The following ABCA13 variants were observed in gnomAD, a reference collection of about 807,000 sequenced individuals.
ABCA13 encodes ATP binding cassette subfamily A member 13.
ABCA13 carries 476 observed loss-of-function variants against 478.7 expected under a neutral mutation model. That is an observed-to-expected ratio of 0.99 (90% CI 0.92 to 1.07). The LOEUF (loss-of-function observed/expected upper bound fraction) is 1.07, where lower values mean the gene tolerates loss of function less well. Ranked by LOEUF, ABCA13 falls within the 50% of genes least tolerant of loss-of-function variation. The pLI, the probability that ABCA13 is intolerant of heterozygous loss-of-function variation, is 0.00. For missense variants in ABCA13, 6,060 were observed against 5,910.6 expected (o/e 1.03, Z -0.83); for synonymous variants, 2,252 against 2,158.9 (o/e 1.04, Z -1.20).
Position 48,629,289 on chromosome 7 carries a change from G to A in ABCA13, c.14837+13912G>A, listed in dbSNP as rs140673944. ...TTCCAGAATCCAACTGTACACTATG[G>A]GATTATGATTTCCTATTGTAAATAT... On this transcript the variant is annotated intron_variant, in intron 59 of 61. Transcript: ENST00000435803. 1.1e-3 allele frequency among the ~76,000 whole-genome samples: 169 copies of A among 152,136 alleles called. 1 individual carries two copies. The highest frequency in any genetic ancestry group is 4.0e-3 in the African/African-American group (164 of 41,506).
Position 48,352,376 on chromosome 7 carries a change from C to A in ABCA13, c.10577C>A (p.Pro3526Gln), listed in dbSNP as rs371083548. Residue 3526 changes from proline (P) to glutamine (Q), a missense_variant, in exon 31 of 62, where the codon CCA becomes CAA. Pro to Gln is a moderately conservative substitution (Grantham distance 76, BLOSUM62 -1). Transcript: ENST00000435803. Reference protein sequence around the residue: ...DGFKYNYVFAPLQDMIERAII... With the variant: ...DGFKYNYVFAQLQDMIERAII... ...TTCAAATATAACTACGTCTTTGCCC[C>A]ACTGCAAGACATGATCGAAAGAGCC... 1 of 1,613,442 alleles carries A rather than the reference C, an allele frequency of 6.2e-7. No homozygotes were observed. The highest frequency in any genetic ancestry group is 8.5e-7 in the Non-Finnish European group (1 of 1,179,814).
intron 1 of ABCA13, among the ~76,000 whole-genome samples, chr7:48,183,689 A>G (rs988615949): frequency 6.6e-6 from 1 of 152,164 alleles, no homozygotes; most frequent in African/African-American, 2.4e-5. Context: ...TTTCACTGCT[A>G]TTTCCCCAGT....
In ABCA13 at chr7:48,438,271, C is replaced by A. The variant is rs1427960287; in HGVS notation, c.12565+10400C>A. ...GAGGTGAGCAAAGTCAAGTAAAACA[C>A]CACAGAATTTTTCCTACCATTTCAA... On this transcript the variant is annotated intron_variant, in intron 42 of 61. Transcript: ENST00000435803. Among the ~76,000 whole-genome samples, 3 of 152,094 alleles carry A rather than the reference C, an allele frequency of 2.0e-5. No homozygotes were observed. The East Asian group carries it at 5.8e-4, about 29-fold the overall frequency.
At chr7:48,562,524 G>A (rs939267350) in intron 55 of ABCA13, among the ~76,000 whole-genome samples, 1 of 151,482 alleles carries the variant, frequency 6.6e-6, no homozygotes, top group Non-Finnish European at 1.5e-5. Context: ...AATGACATAT[G>A]CAAACATAGA....
chr7:48,233,242 T>C (rs1526103), intron 7 of ABCA13, among the ~76,000 whole-genome samples: 24,972 of 152,120 alleles, frequency 0.16, 2,469 homozygotes, highest in African/African-American at 0.29. Flanking sequence ...AATGGCTTAT[T>C]AGTGGCTGGC....
intron 42 of ABCA13, among the ~76,000 whole-genome samples, chr7:48,438,423 AC>A (rs1431832092): frequency 1.3e-5 from 2 of 152,152 alleles, no homozygotes; most frequent in East Asian, 3.9e-4. Flanking sequence ...TTCCATAGGG[AC>A]AGGGGAGTTT....
At chr7:48,602,630 T>G (rs192474705) in intron 58 of ABCA13, among the ~76,000 whole-genome samples, 1 of 152,300 alleles carries the variant, frequency 6.6e-6, no homozygotes, top group Non-Finnish European at 1.5e-5. Flanking sequence ...ACCATAGCTT[T>G]GTAGTATAGT....
intron 41 of ABCA13, among the ~76,000 whole-genome samples, chr7:48,422,574 C>T (rs1322253702): frequency 6.6e-6 from 1 of 152,078 alleles, no homozygotes; most frequent in Admixed American, 6.5e-5. Context: ...TGTTGGACTC[C>T]AAAATTTTCT....
intron 37 of ABCA13, 58 bp from the exon 38 acceptor site, chr7:48,391,863 C>T: frequency 6.6e-7 from 1 of 1,522,160 alleles, no homozygotes; most frequent in South Asian, 1.2e-5. Context: ...GACTGGATTG[C>T]TGACGTTCAC....
At chr7:48,410,093 C>CAAAAAAAAAAAAAAAAAA (rs58724216) in intron 39 of ABCA13, among the ~76,000 whole-genome samples, 1 of 67,174 alleles carries the variant, frequency 1.5e-5, no homozygotes, top group Non-Finnish European at 2.8e-5. Flanking sequence ...GACTCCATCT[C>CAAAAAAAAAAAAAAAAAA]AAAAAAAAAA....
chr7:48,615,517 G>T, intron 59 of ABCA13, 140 bp downstream of exon 59: 1 of 652,558 alleles, frequency 1.5e-6, no homozygotes, highest in Admixed American at 2.8e-5. Flanking sequence ...GCTCTGAGGG[G>T]ATAAAATACT....
chr7:48,519,458 GTTAA>G (rs1346960002), intron 52 of ABCA13, among the ~76,000 whole-genome samples: 4 of 152,142 alleles, frequency 2.6e-5, no homozygotes, highest in African/African-American at 9.7e-5. Context: ...AAATTATAGT[GTTAA>G]TTAATCATTT....
At position 48,221,298 on chromosome 7, in the gene ABCA13, A is replaced by G; in HGVS notation, c.457A>G (p.Ser153Gly). ...SNTPDSSYGS[S>G]FFTMDLNKTE... is the part of the protein sequence containing the mutation. ...TATTATAGATTCTTCTTATGGTTCCAGTTTTTTTACAGTAAGTATCTTAAC... is the reference window on the plus strand; with the variant it reads ...TATTATAGATTCTTCTTATGGTTCCGGTTTTTTTACAGTAAGTATCTTAAC... Residue 153 changes from serine to glycine, a missense_variant, in exon 5 of 62, where the codon AGT becomes GGT. Coordinates refer to ENST00000435803, the MANE Select transcript of ABCA13 (RefSeq NM_152701.5). 8.6e-7 allele frequency: 1 copy of G among 1,168,466 alleles called. No homozygotes were observed. Among genetic ancestry groups the G allele is most frequent in the African/African-American group, 1.5e-5 (1 of 64,986 alleles). The allele number at this position is 1,168,466 out of a possible 1,614,324, so 72.4% of individuals were successfully genotyped here.
chr7:48,511,176 G>T lies in ABCA13; in HGVS notation c.13617G>T (p.Thr4539=). 1 of 1,612,940 alleles carries T rather than the reference G, an allele frequency of 6.2e-7. No homozygotes were observed. Among genetic ancestry groups the T allele is most frequent in the Non-Finnish European group, 8.5e-7 (1 of 1,179,452 alleles). ...CTTTCCGCAAGAACTTGGCAGCCAC[G>T]GCCCTCCTGCTGTCACTTTTCGGGT... is the stretch of plus-strand genomic sequence containing the variant. The part of the protein sequence containing the change: ...AFTFRKNLAA[T]ALLLSLFGYA... Residue 4539 remains threonine (T), a synonymous_variant, in exon 51 of 62, where the codon ACG becomes ACT. Coordinates refer to ENST00000435803, the MANE Select transcript of ABCA13 (RefSeq NM_152701.5).
At chr7:48,392,167 T>C (rs778449494) in intron 38 of ABCA13, 28 bp downstream of exon 38, 7 of 1,596,796 alleles carry the variant, frequency 4.4e-6, no homozygotes, top group Non-Finnish European at 8.6e-7. Flanking sequence ...TCTCTGCTCC[T>C]CCTGCCTCTG....
chr7:48,324,240 G>T lies in ABCA13; in HGVS notation c.9999+6944G>T, dbSNP rs181280300. Among the ~76,000 whole-genome samples the T allele has an allele frequency of 2.4e-3, 366 of 152,248 alleles. 3 individuals carry two copies. In the South Asian group the frequency reaches 0.026, roughly 11 times the overall value. On this transcript the variant is annotated intron_variant, in intron 27 of 61. Transcript: ENST00000435803. ...TGGTTTTTCCTGGGGCCTCTGGCTT[G>T]CAGACAGCCATCTTCTCTTTGTGTC...
At chr7:48,581,615 A>C (rs1332209538) in intron 56 of ABCA13, among the ~76,000 whole-genome samples, 1 of 152,204 alleles carries the variant, frequency 6.6e-6, no homozygotes, top group Non-Finnish European at 1.5e-5. Flanking sequence ...GCTTATGAAA[A>C]AGCTCTCGTT....
chr7:48,538,669 G>T (rs148884984), intron 55 of ABCA13, among the ~76,000 whole-genome samples: 1 of 152,128 alleles, frequency 6.6e-6, no homozygotes, highest in East Asian at 1.9e-4. Context: ...CAAAACTCAG[G>T]ACAAGAAGTA....
At chr7:48,494,346 A>G (rs1024381677) in intron 48 of ABCA13, among the ~76,000 whole-genome samples, 3 of 152,234 alleles carry the variant, frequency 2.0e-5, no homozygotes, top group African/African-American at 7.2e-5. Flanking sequence ...GATCTGTAAT[A>G]GAGCTACTGA....
Sources: gnomAD v4.1 joint callset for allele counts (sites outside exome capture counted in the v4.1 genomes callset) on GRCh38, gnomAD v4.1.1 for gene constraint, MANE v1.5 for transcripts, NCBI Gene and HGNC (gene_info 2026-07-23, HGNC 2026-07-21) for gene names.